The following SORCS3 variants were observed in gnomAD, a reference collection of about 807,000 sequenced individuals.
SORCS3 encodes VPS10 domain-containing receptor SorCS3.
In SORCS3, 57 loss-of-function variants were observed where a neutral mutation model predicts 146.3. The ratio of observed to expected loss-of-function variants is 0.39; its 90% CI spans 0.31 to 0.49. The LOEUF (loss-of-function observed/expected upper bound fraction) is 0.49, where lower values mean the gene tolerates loss of function less well. SORCS3 is among the 20% of genes least tolerant of loss of function. SORCS3 has a pLI of 0.92. For synonymous variants in SORCS3, 653 were observed against 618.5 expected, an observed-to-expected ratio of 1.06 and a Z score of -0.83; for missense variants, 1,341 against 1,575.5, an observed-to-expected ratio of 0.85 and a Z score of 2.52.
intron 14 of SORCS3, among the ~76,000 whole-genome samples, chr10:105,179,838 G>T (rs891088922): frequency 2.0e-5 from 3 of 152,220 alleles, no homozygotes; most frequent in African/African-American, 7.2e-5. Flanking sequence ...TGTAGGAACT[G>T]TGAAGACAGG....
intron 1 of SORCS3, among the ~76,000 whole-genome samples, chr10:104,699,961 A>G (rs2016260667): frequency 6.6e-6 from 1 of 152,202 alleles, no homozygotes; most frequent in Admixed American, 6.5e-5. Flanking sequence ...CCTAGTCTTG[A>G]ATAAAAATGT....
intron 1 of SORCS3, among the ~76,000 whole-genome samples, chr10:104,819,593 GC>G (rs1363031219): frequency 6.6e-6 from 1 of 152,180 alleles, no homozygotes; most frequent in African/African-American, 2.4e-5. Context: ...TTGGAGCGGG[GC>G]CACACCCAAT....
rs766531317 is a variant in SORCS3, at chr10:104,641,981, G to C, written c.627+27G>C. 1 of 1,214,166 alleles carries C rather than the reference G, an allele frequency of 8.2e-7. No individual in the cohort carries two copies. The highest frequency in any genetic ancestry group is 1.1e-6 in the Non-Finnish European group (1 of 937,566). 75.2% of individuals were successfully genotyped at this position (1,214,166 alleles called of 1,614,324 possible). On this transcript the variant is annotated intron_variant, in intron 1 of 26. Transcript: ENST00000369701. The surrounding 1 kb of genome is among the most constrained non-coding windows in gnomAD (Gnocchi z 6.4). Reference sequence around the variant, plus strand: ...TGAGTACCCACCCGGCGGCGGGTCCGCCTGTTTCCTGACACCGAAGGGGAA... The same window carrying C: ...TGAGTACCCACCCGGCGGCGGGTCCCCCTGTTTCCTGACACCGAAGGGGAA...
At chr10:105,169,083 G>A (rs2056338532) in intron 13 of SORCS3, among the ~76,000 whole-genome samples, 1 of 152,088 alleles carries the variant, frequency 6.6e-6, no homozygotes, top group African/African-American at 2.4e-5. Flanking sequence ...CTCATTTAAT[G>A]CTTGCCCAAC....
At chr10:104,846,924 G>C (rs556969067) in intron 2 of SORCS3, among the ~76,000 whole-genome samples, 1 of 152,200 alleles carries the variant, frequency 6.6e-6, no homozygotes, top group Non-Finnish European at 1.5e-5. Flanking sequence ...CTTCATCTGA[G>C]CCTCCTTCCA....
intron 20 of SORCS3, among the ~76,000 whole-genome samples, chr10:105,230,910 G>T (rs907337759): frequency 6.6e-6 from 1 of 152,196 alleles, no homozygotes; most frequent in Non-Finnish European, 1.5e-5. Flanking sequence ...CACGGATATT[G>T]CAGTCTCCAG....
chr10:104,914,875 A>G (rs939872095), intron 2 of SORCS3, among the ~76,000 whole-genome samples: 1 of 152,178 alleles, frequency 6.6e-6, no homozygotes, highest in African/African-American at 2.4e-5. Flanking sequence ...GAGAAAATGC[A>G]TTGACCTCTG....
intron 3 of SORCS3, among the ~76,000 whole-genome samples, chr10:104,946,801 A>G (rs545920912): frequency 7.2e-5 from 11 of 152,310 alleles, no homozygotes; most frequent in African/African-American, 2.4e-4. Context: ...CAGAGGCATC[A>G]GAGCATGCTT....
At chr10:104,693,548 A>T (rs190437000) in intron 1 of SORCS3, among the ~76,000 whole-genome samples, 1 of 152,166 alleles carries the variant, frequency 6.6e-6, no homozygotes, top group Non-Finnish European at 1.5e-5. Context: ...GGTGTTGAGG[A>T]TTATGACCGC....
intron 20 of SORCS3, among the ~76,000 whole-genome samples, chr10:105,234,670 A>G (rs966374328): frequency 6.6e-6 from 1 of 151,446 alleles, no homozygotes; most frequent in African/African-American, 2.4e-5. Context: ...CATCAAAGGC[A>G]TTTTTAAATT....
chr10:105,252,683 T>G, intron 22 of SORCS3, 92 bp from the exon 23 acceptor site: 28 of 1,504,460 alleles, frequency 1.9e-5, no homozygotes, highest in South Asian at 3.6e-5. Context: ...AAAACTCACA[T>G]GAGCCATCTG....
chr10:104,683,108 T>A (rs1197175677), intron 1 of SORCS3, among the ~76,000 whole-genome samples: 1 of 152,210 alleles, frequency 6.6e-6, no homozygotes, highest in African/African-American at 2.4e-5. Context: ...TAGGGACACT[T>A]GTCCTCAACC....
At position 104,834,957 on chromosome 10, in the gene SORCS3, TA is replaced by T. The variant is rs535624623; in HGVS notation, c.628-7825del. ...AGCCACAGAGTTGGTAATGCTCCCTTAAAAAAAAAACAGAGAAAGGGGTTAA... is the reference window on the plus strand; with the variant it reads ...AGCCACAGAGTTGGTAATGCTCCCTTAAAAAAAAACAGAGAAAGGGGTTAA... On this transcript the variant is annotated intron_variant, in intron 1 of 26. Coordinates refer to ENST00000369701, the MANE Select transcript of SORCS3 (RefSeq NM_014978.3). 1.5e-3 allele frequency among the ~76,000 whole-genome samples: 219 copies of T among 147,704 alleles called. 5 individuals are homozygous for T. In the South Asian group the frequency reaches 0.019, roughly 13 times the overall value.
chr10:104,925,214 C>A (rs984699579), intron 3 of SORCS3, among the ~76,000 whole-genome samples: 1 of 152,148 alleles, frequency 6.6e-6, no homozygotes, highest in South Asian at 2.1e-4. Flanking sequence ...CAGCTTCATC[C>A]ATGTCCTTGC....
intron 3 of SORCS3, among the ~76,000 whole-genome samples, chr10:104,937,582 A>G (rs2019273098): frequency 6.6e-6 from 1 of 152,250 alleles, no homozygotes; most frequent in African/African-American, 2.4e-5. Flanking sequence ...ACAACATTAA[A>G]TATCTGAGTC....
chr10:104,942,930 A>C (rs998431344), intron 3 of SORCS3, among the ~76,000 whole-genome samples: 3 of 152,164 alleles, frequency 2.0e-5, no homozygotes, highest in Non-Finnish European at 4.4e-5. Context: ...CAGCATTATA[A>C]TGGAGGTTCT....
chr10:104,737,432 C>T (rs2016787560), intron 1 of SORCS3, among the ~76,000 whole-genome samples: 2 of 152,198 alleles, frequency 1.3e-5, no homozygotes, highest in Non-Finnish European at 2.9e-5. Context: ...ACATCCTCTC[C>T]AGCACCTGTT....
chr10:104,830,072 G>A (rs2017983726), intron 1 of SORCS3, among the ~76,000 whole-genome samples: 2 of 151,940 alleles, frequency 1.3e-5, no homozygotes, highest in African/African-American at 4.8e-5. Context: ...CCCCCGACAG[G>A]CCCTGGTGTG....
chr10:104,674,131 A>G (rs531507751), intron 1 of SORCS3, among the ~76,000 whole-genome samples: 21 of 152,344 alleles, frequency 1.4e-4, no homozygotes, highest in Middle Eastern at 3.4e-3. Flanking sequence ...GTAGACCAGA[A>G]GTCTCTCCCC....
Sources: gnomAD v4.1 joint callset for allele counts (sites outside exome capture counted in the v4.1 genomes callset) on GRCh38, gnomAD v4.1.1 for gene constraint, Gnocchi (gnomAD v3.1) non-coding constraint, MANE v1.5 for transcripts, NCBI Gene and HGNC (gene_info 2026-07-23, HGNC 2026-07-21) for gene names.